CLVS1: variants seen among roughly 807,000 people sequenced by gnomAD.
CLVS1 encodes clavesin 1, also known as clavesin-1.
Under a neutral mutation model 33.1 loss-of-function variants are expected in CLVS1, and 10 were observed. The ratio of observed to expected loss-of-function variants is 0.30; its 90% CI spans 0.19 to 0.51. The LOEUF (loss-of-function observed/expected upper bound fraction) is 0.51. CLVS1 is among the 20% of genes least tolerant of loss of function. The pLI is 0.97. For synonymous variants in CLVS1, 163 were observed against 166.1 expected, an observed-to-expected ratio of 0.98 and a Z score of 0.14; for missense variants, 343 against 433.4, an observed-to-expected ratio of 0.79 and a Z score of 1.85.
At chr8:61,371,517 G>A (rs536639244) in intron 2 of CLVS1, among the ~76,000 whole-genome samples, 1 of 152,238 alleles carries the variant, frequency 6.6e-6, no homozygotes, top group Admixed American at 6.5e-5. Context: ...AATTGACTAA[G>A]AGGCTGCCTC....
chr8:61,482,743 C>G (rs1270597764), intron 5 of CLVS1, among the ~76,000 whole-genome samples: 1 of 152,122 alleles, frequency 6.6e-6, no homozygotes, highest in African/African-American at 2.4e-5. Flanking sequence ...CAAACTGTCT[C>G]TCAGACCACA....
intron 1 of CLVS1, among the ~76,000 whole-genome samples, chr8:61,295,329 G>A (rs1444724754): frequency 1.3e-5 from 2 of 152,140 alleles, no homozygotes; most frequent in Non-Finnish European, 1.5e-5. Context: ...CCTTCAAAGA[G>A]AATGACAAGA....
chr8:61,200,072 A>T (rs1265875532), intron 2 of CLVS1, among the ~76,000 whole-genome samples: 2 of 152,176 alleles, frequency 1.3e-5, no homozygotes, highest in African/African-American at 2.4e-5. Context: ...GCAATGTTAC[A>T]TCATTAATAT....
chr8:61,041,545 C>T, the CLVS1 span, among the ~76,000 whole-genome samples: 1 of 152,016 alleles, frequency 6.6e-6, no homozygotes, highest in East Asian at 1.9e-4. Flanking sequence ...CTTTTACCTC[C>T]TTGGTTAGCT....
intron 5 of CLVS1, among the ~76,000 whole-genome samples, chr8:61,466,204 A>G (rs1008296233): frequency 9.9e-5 from 15 of 152,232 alleles, no homozygotes; most frequent in African/African-American, 3.4e-4. Context: ...GAAAACCCAA[A>G]TGAACTGCTT....
chr8:61,447,045 A>G (rs1193956929), intron 3 of CLVS1, among the ~76,000 whole-genome samples: 1 of 152,098 alleles, frequency 6.6e-6, no homozygotes, highest in African/African-American at 2.4e-5. Flanking sequence ...CACTTGAAAA[A>G]CAAAGTATAT....
chr8:60,983,933 G>A, the CLVS1 span, among the ~76,000 whole-genome samples: 2 of 152,124 alleles, frequency 1.3e-5, no homozygotes, highest in Non-Finnish European at 2.9e-5. Context: ...CACCTGCCCT[G>A]CCCTGAGGTT....
Position 61,138,191 on chromosome 8 carries a change from G to A in CLVS1, c.-152+6331G>A, listed in dbSNP as rs370186819. On this transcript the variant is annotated intron_variant, in intron 2 of 2. Coordinates refer to the CLVS1 transcript ENST00000522621. The stretch of plus-strand genomic sequence containing the variant: ...GGAGGATGCCTTCAGGAAGGTTTGA[G>A]TCTCAAAAGACAATTAAATAGGTGA... Among the ~76,000 whole-genome samples the A allele has an allele frequency of 9.2e-5, 14 of 152,298 alleles. No individual in the cohort carries two copies. In the East Asian group the frequency reaches 1.2e-3, roughly 13 times the overall value.
intron 1 of CLVS1, among the ~76,000 whole-genome samples, chr8:61,120,904 T>G (rs1262557195): frequency 5.4e-5 from 8 of 147,908 alleles, no homozygotes; most frequent in East Asian, 2.0e-4. Flanking sequence ...GCTCCACCCA[T>G]TTCCAGCTTC....
At chr8:61,285,083 G>T (rs1809748902), upstream of CLVS1, among the ~76,000 whole-genome samples, 1 of 151,794 alleles carries the variant, frequency 6.6e-6, no homozygotes. Flanking sequence ...CTATGAGATT[G>T]GACTAAAAAA....
chr8:61,225,083 G>C (rs1037898807), intron 2 of CLVS1, among the ~76,000 whole-genome samples: 2 of 152,198 alleles, frequency 1.3e-5, no homozygotes, highest in Non-Finnish European at 2.9e-5. Context: ...TTGGGAGGCT[G>C]AGGCGGGTGG....
intron 3 of CLVS1, among the ~76,000 whole-genome samples, chr8:61,412,148 G>C (rs925106372): frequency 1.4e-4 from 22 of 152,226 alleles, no homozygotes; most frequent in African/African-American, 5.3e-4. Context: ...AAAATGATGG[G>C]AAAGGCAAAG....
the CLVS1 span, among the ~76,000 whole-genome samples, chr8:60,999,316 C>T: frequency 6.6e-6 from 1 of 152,104 alleles, no homozygotes; most frequent in Non-Finnish European, 1.5e-5. Context: ...GAGCAGAGGC[C>T]TGGGGAGAGG....
chr8:61,452,248 T>C (rs1258749908), intron 3 of CLVS1, among the ~76,000 whole-genome samples: 1 of 152,238 alleles, frequency 6.6e-6, no homozygotes, highest in Non-Finnish European at 1.5e-5. Flanking sequence ...AAAAGGTTAA[T>C]ATTTTGCAAC....
chr8:61,211,881 G>A (rs1188951637), intron 2 of CLVS1, among the ~76,000 whole-genome samples: 2 of 152,206 alleles, frequency 1.3e-5, no homozygotes, highest in Non-Finnish European at 2.9e-5. Flanking sequence ...TGGCATCAGA[G>A]GGAGATGCAG....
intron 3 of CLVS1, among the ~76,000 whole-genome samples, chr8:61,403,551 G>A (rs186587352): frequency 1.2e-3 from 178 of 152,174 alleles, no homozygotes; most frequent in African/African-American, 3.7e-3. Flanking sequence ...AACAAATTCC[G>A]GATATATTTA....
intron 3 of CLVS1, among the ~76,000 whole-genome samples, chr8:61,432,022 T>C (rs1816133258): frequency 6.6e-6 from 1 of 152,248 alleles, no homozygotes; most frequent in Non-Finnish European, 1.5e-5. Context: ...TCCTCTGTGC[T>C]TCCAGCTCTG....
the CLVS1 span, among the ~76,000 whole-genome samples, chr8:61,048,512 C>T: frequency 6.6e-6 from 1 of 152,314 alleles, no homozygotes; most frequent in South Asian, 2.1e-4. Flanking sequence ...GCTGTGTGTG[C>T]CAGTAGCTAA....
At chr8:61,137,300 G>C (rs1161950310) in intron 2 of CLVS1, among the ~76,000 whole-genome samples, 1 of 152,170 alleles carries the variant, frequency 6.6e-6, no homozygotes, top group African/African-American at 2.4e-5. Context: ...TCTCACAGCA[G>C]AGTAAACATT....
Sources: allele counts gnomAD v4.1 joint callset (sites outside exome capture counted in the v4.1 genomes callset), GRCh38; gene constraint gnomAD v4.1.1; transcripts MANE v1.5; gene names NCBI Gene and HGNC (gene_info 2026-07-23, HGNC 2026-07-21).